SEMA6D: variants seen among roughly 807,000 people sequenced by gnomAD.
SEMA6D encodes the protein semaphorin 6D, also known as semaphorin-6D.
Under a neutral mutation model 106.6 loss-of-function variants are expected in SEMA6D, and 35 were observed. The observed-to-expected ratio is 0.33, with a 90% CI of 0.25 to 0.44. The LOEUF (loss-of-function observed/expected upper bound fraction) is 0.44. Ranked by LOEUF, SEMA6D falls within the 20% of genes least tolerant of loss-of-function variation. The pLI is 1.00. For missense variants in SEMA6D, 1,185 were observed against 1,345.9 expected (o/e 0.88, Z 1.87); for synonymous variants, 499 against 487.7 (o/e 1.02, Z -0.31).
At chr15:47,371,607 T>C (rs964747935) in intron 1 of SEMA6D, among the ~76,000 whole-genome samples, 1 of 152,164 alleles carries the variant, frequency 6.6e-6, no homozygotes, top group African/African-American at 2.4e-5. Flanking sequence ...CTATCACATA[T>C]GCACTATTTC....
chr15:47,721,105 A>C (rs536205035), intron 1 of SEMA6D, among the ~76,000 whole-genome samples: 1 of 152,316 alleles, frequency 6.6e-6, no homozygotes, highest in Non-Finnish European at 1.5e-5. Context: ...CAGTGTTCCA[A>C]CACCAGGTGA....
At chr15:47,481,028 C>T (rs962018967) in intron 3 of SEMA6D, among the ~76,000 whole-genome samples, 1 of 152,130 alleles carries the variant, frequency 6.6e-6, no homozygotes, top group African/African-American at 2.4e-5. Flanking sequence ...AAGGCTGCCT[C>T]CACTATTAGA....
In SEMA6D at chr15:47,297,512, C is replaced by T. The variant is rs116659133; in HGVS notation, c.-239+113094C>T. The stretch of plus-strand genomic sequence containing the variant: ...ATTATCAAACGACATGATGTTTTGC[C>T]TAAAATGGAAAACCTTGAAGGAAGC... On this transcript the variant is annotated intron_variant, in intron 1 of 19. Coordinates refer to the SEMA6D transcript ENST00000558014. Among the ~76,000 whole-genome samples, 840 of 152,234 alleles carry T rather than the reference C, an allele frequency of 5.5e-3. 12 individuals carry two copies. The highest frequency in any genetic ancestry group is 0.019 in the African/African-American group (794 of 41,540).
At chr15:47,445,084 C>T (rs532371860) in intron 2 of SEMA6D, among the ~76,000 whole-genome samples, 36 of 152,218 alleles carry the variant, frequency 2.4e-4, no homozygotes, top group Admixed American at 6.5e-4. Flanking sequence ...CAGCCAAACT[C>T]CTCTTGGGAT....
chr15:47,657,048 A>G (rs954381070), intron 4 of SEMA6D, among the ~76,000 whole-genome samples: 6 of 152,240 alleles, frequency 3.9e-5, no homozygotes, highest in Non-Finnish European at 7.3e-5. Context: ...TTCACCTGAA[A>G]TATGCTACTC....
intron 2 of SEMA6D, among the ~76,000 whole-genome samples, chr15:47,462,639 G>C (rs2042548605): frequency 6.6e-6 from 1 of 152,052 alleles, no homozygotes; most frequent in Non-Finnish European, 1.5e-5. Context: ...TTTTCAGATA[G>C]AAACAAAAAC....
At chr15:47,402,747 C>CAT (rs780199648) in intron 1 of SEMA6D, among the ~76,000 whole-genome samples, 177 of 121,488 alleles carry the variant, frequency 1.5e-3, no homozygotes, top group African/African-American at 5.4e-3. Context: ...GTGAGCCAGA[C>CAT]TTTTTTTTTT....
intron 15 of SEMA6D, 94 bp downstream of exon 15, chr15:47,766,276 T>A: frequency 9.0e-7 from 1 of 1,107,342 alleles, no homozygotes; most frequent in African/African-American, 1.6e-5. Context: ...ATACTACTTT[T>A]CTTTTTTTTT....
intron 1 of SEMA6D, among the ~76,000 whole-genome samples, chr15:47,184,570 C>G (rs1893409332): frequency 6.6e-6 from 1 of 152,182 alleles, no homozygotes; most frequent in Non-Finnish European, 1.5e-5. Context: ...GCGCCGCGGC[C>G]GGCGCAGAGA....
chr15:47,552,817 A>T (rs796082718), intron 3 of SEMA6D, among the ~76,000 whole-genome samples: 143 of 13,460 alleles, frequency 0.011, 10 homozygotes, highest in African/African-American at 0.019. Context: ...AATATATATA[A>T]ATATATATAT....
At chr15:47,491,207 G>A (rs141222441) in intron 3 of SEMA6D, among the ~76,000 whole-genome samples, 2 of 151,938 alleles carry the variant, frequency 1.3e-5, no homozygotes, top group African/African-American at 4.8e-5. Flanking sequence ...CCTGCTCTTT[G>A]CCCACCCACC....
chr15:47,508,456 G>A (rs747700198), intron 3 of SEMA6D, among the ~76,000 whole-genome samples: 6 of 152,198 alleles, frequency 3.9e-5, no homozygotes, highest in African/African-American at 9.6e-5. Flanking sequence ...ATGGAGTGGC[G>A]GATTTTTCTG....
chr15:47,323,164 G>A (rs1235343667), intron 1 of SEMA6D, among the ~76,000 whole-genome samples: 1 of 152,114 alleles, frequency 6.6e-6, no homozygotes, highest in Non-Finnish European at 1.5e-5. Context: ...AGGAGGGAGT[G>A]GTGCCCAGCG....
In SEMA6D at chr15:47,764,813, A is replaced by T. The variant is rs1208695759; in HGVS notation, c.1253+20A>T. On this transcript the variant is annotated intron_variant, in intron 12 of 18. Coordinates refer to ENST00000536845, the MANE Select transcript of SEMA6D (RefSeq NM_001358351.3). Reference sequence around the variant, plus strand: ...GGTCAGGTGAGATTGTGTGTGAAACACTCCTTCCTATTCAACGTTTTCTCT... The same window carrying T: ...GGTCAGGTGAGATTGTGTGTGAAACTCTCCTTCCTATTCAACGTTTTCTCT... 6.2e-7 allele frequency: 1 copy of T among 1,613,346 alleles called. No homozygotes were observed. Among genetic ancestry groups the T allele is most frequent in the Non-Finnish European group, 8.5e-7 (1 of 1,179,646 alleles).
At chr15:47,324,491 A>C (rs1034515383) in intron 1 of SEMA6D, among the ~76,000 whole-genome samples, 2 of 152,110 alleles carry the variant, frequency 1.3e-5, no homozygotes, top group Admixed American at 6.5e-5. Context: ...TCAACACTTC[A>C]TAATTAACAG....
chr15:47,449,123 C>T (rs891803595), intron 2 of SEMA6D, among the ~76,000 whole-genome samples: 7 of 151,958 alleles, frequency 4.6e-5, no homozygotes, highest in African/African-American at 1.7e-4. Context: ...TGCTTCCTGT[C>T]TTGGTGACTT....
Position 47,223,113 on chromosome 15 carries a change from C to G in SEMA6D, c.-239+38695C>G, listed in dbSNP as rs185624392. 2.4e-3 allele frequency among the ~76,000 whole-genome samples: 361 copies of G among 150,336 alleles called. 9 individuals are homozygous for G. The highest frequency in any genetic ancestry group is 0.022 in the Admixed American group (332 of 14,970). ...CAGAGCCAGAGTTAACACATTTAGC[C>G]TTTAGAAAGACACACCATAGTGCTG... On this transcript the variant is annotated intron_variant, in intron 1 of 19. Coordinates refer to the SEMA6D transcript ENST00000558014.
intron 1 of SEMA6D, among the ~76,000 whole-genome samples, chr15:47,246,559 A>G (rs1037299273): frequency 6.6e-6 from 1 of 152,172 alleles, no homozygotes; most frequent in Non-Finnish European, 1.5e-5. Context: ...GAAACTACTT[A>G]CATTCCTTGA....
chr15:47,665,141 C>G (rs776154152), intron 4 of SEMA6D, among the ~76,000 whole-genome samples: 7 of 152,046 alleles, frequency 4.6e-5, no homozygotes, highest in Non-Finnish European at 1.0e-4. Flanking sequence ...GGTGGGGTTT[C>G]TTATTTGACT....
Sources: gnomAD v4.1 joint callset for allele counts (sites outside exome capture counted in the v4.1 genomes callset) on GRCh38, gnomAD v4.1.1 for gene constraint, MANE v1.5 for transcripts, NCBI Gene and HGNC (gene_info 2026-07-23, HGNC 2026-07-21) for gene names.